Variants in THADA observed in about 807,000 individuals in gnomAD.
The protein encoded by THADA is tRNA (32-2'-O)-methyltransferase regulator THADA.
In THADA, 213 loss-of-function variants were observed where a neutral mutation model predicts 219.8. The observed-to-expected ratio is 0.97, with a 90% CI of 0.87 to 1.09. The LOEUF (loss-of-function observed/expected upper bound fraction) is 1.09, where lower values mean the gene tolerates loss of function less well. Among genes scored for constraint, THADA ranks in the 50% least tolerant of loss-of-function variants. The pLI, the probability that THADA is intolerant of heterozygous loss-of-function variation, is 0.00. For missense variants in THADA, 2,956 were observed against 2,311.3 expected (o/e 1.28, Z -5.72); for synonymous variants, 1,018 against 828.9 (o/e 1.23, Z -3.92).
chr2:43,409,570 C>G (rs769314519), intron 28 of THADA, among the ~76,000 whole-genome samples: 1 of 152,030 alleles, frequency 6.6e-6, no homozygotes, highest in African/African-American at 2.4e-5. Context: ...TATCCCAGTA[C>G]CCATGTTTAT....
chr2:43,237,704 C>A (rs1253747334), intron 36 of THADA, among the ~76,000 whole-genome samples: 1 of 151,728 alleles, frequency 6.6e-6, no homozygotes, highest in African/African-American at 2.4e-5. Context: ...CGGCCTTGAG[C>A]CACCACGCTT....
intron 26 of THADA, among the ~76,000 whole-genome samples, chr2:43,458,604 C>A (rs1398398972): frequency 6.6e-6 from 1 of 152,158 alleles, no homozygotes; most frequent in Non-Finnish European, 1.5e-5. Context: ...CCCCTACTGT[C>A]ACTATCCTAA....
chr2:43,457,629 T>C (rs1683172917), intron 26 of THADA, among the ~76,000 whole-genome samples: 1 of 152,172 alleles, frequency 6.6e-6, no homozygotes, highest in South Asian at 2.1e-4. Context: ...ATTAATTCCA[T>C]TAAACTGGTG....
At chr2:43,385,168 A>C (rs1013989460) in intron 29 of THADA, among the ~76,000 whole-genome samples, 1 of 152,004 alleles carries the variant, frequency 6.6e-6, no homozygotes, top group Admixed American at 6.6e-5. Context: ...AAAACAAAAA[A>C]ACCCACAAAA....
chr2:43,282,153 G>A (rs1217419467), intron 35 of THADA, among the ~76,000 whole-genome samples: 1 of 152,146 alleles, frequency 6.6e-6, no homozygotes, highest in Non-Finnish European at 1.5e-5. Context: ...ATAAGCTAGG[G>A]TTTGAGTAGT....
At chr2:43,515,066 TTTATATATAATATATATAAATATATATA>T (rs1558890554) in intron 22 of THADA, among the ~76,000 whole-genome samples, 86 of 19,668 alleles carry the variant, frequency 4.4e-3, no homozygotes, top group Non-Finnish European at 6.5e-3. Flanking sequence ...TATAATATAT[TTTATATATAATATATATAAATATATATA>T]TTATATATAA....
chr2:43,453,348 G>T (rs1251691483), intron 26 of THADA, among the ~76,000 whole-genome samples: 2 of 152,158 alleles, frequency 1.3e-5, no homozygotes, highest in Admixed American at 1.3e-4. Context: ...CAAATAATAG[G>T]ATAATTTTCA....
chr2:43,534,178 C>T (rs530078060), intron 21 of THADA, among the ~76,000 whole-genome samples: 9 of 152,112 alleles, frequency 5.9e-5, no homozygotes, highest in African/African-American at 2.2e-4. Flanking sequence ...TTTTTTAAAG[C>T]ATTTTTAAAA....
chr2:43,505,126 T>C (rs895798895), intron 24 of THADA, among the ~76,000 whole-genome samples: 1 of 152,144 alleles, frequency 6.6e-6, no homozygotes, highest in African/African-American at 2.4e-5. Context: ...AACTGCTGAG[T>C]TACAAAATGT....
At chr2:43,262,936 C>A (rs1265847559) in intron 36 of THADA, among the ~76,000 whole-genome samples, 1 of 152,182 alleles carries the variant, frequency 6.6e-6, no homozygotes, top group Non-Finnish European at 1.5e-5. Context: ...GCGTCCCCTC[C>A]CCACTTCTGT....
intron 29 of THADA, among the ~76,000 whole-genome samples, chr2:43,361,533 T>C (rs1410777377): frequency 2.0e-5 from 3 of 152,214 alleles, no homozygotes; most frequent in Non-Finnish European, 4.4e-5. Flanking sequence ...CTCTGCATTA[T>C]CAGTAGCTTT....
intron 24 of THADA, among the ~76,000 whole-genome samples, chr2:43,501,733 C>G (rs1457468341): frequency 6.6e-6 from 1 of 152,174 alleles, no homozygotes; most frequent in African/African-American, 2.4e-5. Context: ...CACTTGAGGT[C>G]AGGAGTTCAA....
chr2:43,577,286 C>T (rs1440707629), intron 9 of THADA, 44 bp from the exon 10 acceptor site: 13 of 1,445,228 alleles, frequency 9.0e-6, no homozygotes, highest in Non-Finnish European at 1.2e-5. Context: ...GCTTTTAAAA[C>T]TTTTCAGAGA....
intron 20 of THADA, among the ~76,000 whole-genome samples, chr2:43,542,307 G>T (rs532241989): frequency 2.0e-5 from 3 of 152,276 alleles, no homozygotes; most frequent in South Asian, 4.2e-4. Flanking sequence ...GGAAGACATG[G>T]AATTGGAGAG....
intron 29 of THADA, among the ~76,000 whole-genome samples, chr2:43,362,781 A>C (rs1296312625): frequency 1.3e-5 from 2 of 152,246 alleles, no homozygotes; most frequent in Admixed American, 6.5e-5. Flanking sequence ...TTGTTTTGTA[A>C]TAACACAGCT....
At chr2:43,351,891 A>C (rs2104561052) in intron 29 of THADA, among the ~76,000 whole-genome samples, 1 of 152,326 alleles carries the variant, frequency 6.6e-6, no homozygotes, top group African/African-American at 2.4e-5. Flanking sequence ...GTTCCTTCAC[A>C]GGGGAGACTT....
chr2:43,235,247 T>C (rs1667901964), intron 36 of THADA, among the ~76,000 whole-genome samples: 1 of 152,150 alleles, frequency 6.6e-6, no homozygotes, highest in Non-Finnish European at 1.5e-5. Context: ...TCCAATGCGC[T>C]GGGATTACAG....
intron 26 of THADA, among the ~76,000 whole-genome samples, chr2:43,453,421 A>G (rs1039123768): frequency 2.0e-5 from 3 of 152,228 alleles, no homozygotes; most frequent in African/African-American, 7.2e-5. Flanking sequence ...TGTGAAAAGA[A>G]CATTTTGGAC....
chr2:43,347,074 C>G (rs1020353748), intron 29 of THADA, among the ~76,000 whole-genome samples: 2 of 152,124 alleles, frequency 1.3e-5, no homozygotes, highest in African/African-American at 4.8e-5. Flanking sequence ...CAGTGGATGC[C>G]TCATCTGATG....
Sources: allele counts gnomAD v4.1 joint callset (sites outside exome capture counted in the v4.1 genomes callset), GRCh38; gene constraint gnomAD v4.1.1; transcripts MANE v1.5; gene names NCBI Gene and HGNC (gene_info 2026-07-23, HGNC 2026-07-21).